SH3KBP1: variants seen among roughly 807,000 people sequenced by gnomAD.
The protein encoded by SH3KBP1 is SH3 domain-containing kinase-binding protein 1.
In SH3KBP1, 8 loss-of-function variants were observed where a neutral mutation model predicts 50.1. The ratio of observed to expected loss-of-function variants is 0.16; its 90% CI spans 0.09 to 0.29. SH3KBP1 has a LOEUF of 0.29. SH3KBP1 is among the 10% of genes least tolerant of loss of function. SH3KBP1 has a pLI of 1.00. For missense variants in SH3KBP1, 377 were observed against 535.2 expected (o/e 0.70, Z 2.92); for synonymous variants, 227 against 218.6 (o/e 1.04, Z -0.34).
At chrX:19,862,830 TG>T (rs1283283475) in intron 1 of SH3KBP1, among the ~76,000 whole-genome samples, 3 of 112,035 alleles carry the variant, frequency 2.7e-5, no homozygotes, top group Non-Finnish European at 5.6e-5. Flanking sequence ...ACTCCAGGGA[TG>T]GTGGATCAGC....
At chrX:19,810,628 T>C (rs773432103) in intron 2 of SH3KBP1, among the ~76,000 whole-genome samples, 6 of 112,569 alleles carry the variant, frequency 5.3e-5, no homozygotes, top group Non-Finnish European at 9.4e-5. Flanking sequence ...AGATCTCACA[T>C]CCAGCTTGAG....
chrX:19,812,929 C>T (rs1026941598), intron 2 of SH3KBP1, among the ~76,000 whole-genome samples: 32 of 110,610 alleles, frequency 2.9e-4, no homozygotes, highest in Non-Finnish European at 5.1e-4. Flanking sequence ...GAGCCAAAAT[C>T]GCACCACTGC....
At position 19,542,066 on chromosome X, in the gene SH3KBP1, C is replaced by T; in HGVS notation, c.1751G>A (p.Arg584Lys). 8.3e-7 allele frequency: 1 copy of T among 1,211,904 alleles called. No individual in the cohort carries two copies. Among genetic ancestry groups the T allele is most frequent in the South Asian group, 1.8e-5 (1 of 56,972 alleles). Reference sequence around the variant, plus strand: ...GCCGAACAGAGACGGGGAGTTGGCTCTGTGTCCAGCTGTTCCCAAAGAGGA... The same window carrying T: ...GCCGAACAGAGACGGGGAGTTGGCTTTGTGTCCAGCTGTTCCCAAAGAGGA... ...LSSSLGTAGH[R>K]ANSPSLFGTE... Residue 584 changes from arginine (R) to lysine (K), a missense_variant, in exon 16 of 18, where the codon AGA becomes AAA. Coordinates refer to ENST00000397821, the MANE Select transcript of SH3KBP1 (RefSeq NM_031892.3).
intron 12 of SH3KBP1, among the ~76,000 whole-genome samples, chrX:19,585,854 G>C (rs58455744): frequency 0.02 from 2,274 of 112,025 alleles, 65 homozygotes; most frequent in African/African-American, 0.07. Flanking sequence ...GAACCACTGA[G>C]TTAGAGCAGG....
intron 3 of SH3KBP1, among the ~76,000 whole-genome samples, chrX:19,728,967 T>C (rs1005619845): frequency 7.1e-5 from 8 of 112,440 alleles, no homozygotes; most frequent in African/African-American, 9.7e-5. Flanking sequence ...CTTCCCAACA[T>C]TGATAATGGC....
intron 1 of SH3KBP1, among the ~76,000 whole-genome samples, chrX:19,850,889 C>T (rs2068489736): frequency 9.1e-6 from 1 of 110,111 alleles, no homozygotes; most frequent in South Asian, 4.1e-4. Context: ...GAGGCTGCAT[C>T]ATAAGATCCC....
chrX:19,832,066 G>A (rs2067912576), intron 2 of SH3KBP1, among the ~76,000 whole-genome samples: 1 of 112,334 alleles, frequency 8.9e-6, no homozygotes, highest in Admixed American at 9.4e-5. Context: ...TCAGCCATCT[G>A]AAAGAATAGA....
chrX:19,624,000 T>G lies in SH3KBP1; in HGVS notation c.897+7864A>C, dbSNP rs186896828. On this transcript the variant is annotated intron_variant, in intron 8 of 17. Transcript: ENST00000397821. ...TATGATTTAACCTTTAAAGAAAATA[T>G]TGTGTGTGTAAAGACAGAGTCTCTC... 6.3e-4 allele frequency among the ~76,000 whole-genome samples: 71 copies of G among 111,842 alleles called. No homozygotes were observed. In the East Asian group the frequency reaches 0.019, roughly 29 times the overall value.
chrX:19,728,518 C>T (rs2064287244), intron 3 of SH3KBP1, among the ~76,000 whole-genome samples: 1 of 112,064 alleles, frequency 8.9e-6, no homozygotes, highest in South Asian at 3.7e-4. Context: ...AACTTCATTA[C>T]TCAACAAAAT....
chrX:19,599,415 A>G (rs776092985), intron 9 of SH3KBP1, among the ~76,000 whole-genome samples: 1 of 112,586 alleles, frequency 8.9e-6, no homozygotes, highest in South Asian at 3.6e-4. Flanking sequence ...CAGACAGTGT[A>G]TGAAGAGTGT....
intron 2 of SH3KBP1, among the ~76,000 whole-genome samples, chrX:19,758,734 T>C (rs2065291635): frequency 9.0e-6 from 1 of 111,463 alleles, no homozygotes; most frequent in South Asian, 3.7e-4. Context: ...ACATCCAAGG[T>C]CCAAGGGCCG....
At chrX:19,714,452 T>C (rs12011294) in intron 3 of SH3KBP1, among the ~76,000 whole-genome samples, 20,313 of 110,132 alleles carry the variant, frequency 0.18, 1,529 homozygotes, top group African/African-American at 0.24. Flanking sequence ...AAATATCTCA[T>C]GTATCCCATA....
At chrX:19,623,657 C>G (rs1247472543) in intron 8 of SH3KBP1, among the ~76,000 whole-genome samples, 2 of 112,453 alleles carry the variant, frequency 1.8e-5, no homozygotes, top group Non-Finnish European at 3.8e-5. Context: ...GCACTCCAGC[C>G]TGGGTGACAG....
chrX:19,675,945 A>C (rs2062919179), intron 6 of SH3KBP1, among the ~76,000 whole-genome samples: 1 of 111,958 alleles, frequency 8.9e-6, no homozygotes, highest in African/African-American at 3.3e-5. Context: ...ATCAGGAAAC[A>C]AAACTGAGAC....
intron 7 of SH3KBP1, among the ~76,000 whole-genome samples, chrX:19,636,381 G>A (rs2061704327): frequency 9.2e-6 from 1 of 108,439 alleles, no homozygotes; most frequent in Non-Finnish European, 1.9e-5. Flanking sequence ...ACACTCAAAT[G>A]TGCAGAGAAA....
intron 6 of SH3KBP1, among the ~76,000 whole-genome samples, chrX:19,682,265 T>C (rs1282931436): frequency 1.8e-5 from 2 of 108,926 alleles, no homozygotes; most frequent in Non-Finnish European, 3.8e-5. Context: ...ACATTGACAT[T>C]GCTATCAACA....
intron 7 of SH3KBP1, among the ~76,000 whole-genome samples, chrX:19,639,987 C>T (rs191881099): frequency 1.4e-4 from 15 of 105,387 alleles, no homozygotes; most frequent in African/African-American, 5.2e-4. Context: ...TAGCAATCTG[C>T]CCAGCCATTC....
intron 3 of SH3KBP1, 69 bp downstream of exon 3, chrX:19,746,249 C>A (rs113042357): frequency 0.02 from 23,142 of 1,135,787 alleles, 181 homozygotes; most frequent in South Asian, 0.039. Context: ...TAAAGTTTGA[C>A]ACAGTTCACC....
At chrX:19,803,973 C>T (rs2066959108) in intron 2 of SH3KBP1, among the ~76,000 whole-genome samples, 1 of 111,014 alleles carries the variant, frequency 9.0e-6, no homozygotes, top group Non-Finnish European at 1.9e-5. Context: ...GAGATCGAGA[C>T]CATCCTGACT....
Sources: allele counts gnomAD v4.1 joint callset (sites outside exome capture counted in the v4.1 genomes callset), GRCh38; gene constraint gnomAD v4.1.1; transcripts MANE v1.5; gene names NCBI Gene and HGNC (gene_info 2026-07-23, HGNC 2026-07-21).